The following C19orf81 variants were observed in gnomAD, a reference collection of about 807,000 sequenced individuals.
C19orf81 encodes the protein putative uncharacterized protein C19orf81.
Under a neutral mutation model 22.1 loss-of-function variants are expected in C19orf81, and 19 were observed. That is an observed-to-expected ratio of 0.86 (90% confidence interval 0.60 to 1.26). The LOEUF is 1.26. C19orf81 is among the 50% of genes most tolerant of loss of function. The probability of loss-of-function intolerance (pLI) is 0.00; values close to 1 mark genes in which losing one functional copy is unlikely to be tolerated. For missense variants in C19orf81, 287 were observed against 280.7 expected (o/e 1.02, Z -0.16); for synonymous variants, 108 against 113.1 (o/e 0.95, Z 0.29).
At chr19:50,657,167 C>G (rs1985014163) in intron 3 of C19orf81, among the ~76,000 whole-genome samples, 1 of 152,132 alleles carries the variant, frequency 6.6e-6, no homozygotes, top group African/African-American at 2.4e-5. Context: ...TAGGTGCTTA[C>G]TGTGTGCCAG....
intron 4 of C19orf81, 60 bp downstream of exon 4, chr19:50,658,188 C>T (rs1451201379): frequency 6.9e-7 from 1 of 1,453,842 alleles, no homozygotes; most frequent in Non-Finnish European, 9.1e-7. Context: ...CCGGGGCGAC[C>T]GGGTAAGAGC....
chr19:50,659,208 C>A lies in C19orf81; in HGVS notation c.*66C>A. 8.0e-7 allele frequency: 1 copy of A among 1,244,658 alleles called. No homozygotes were observed. Among genetic ancestry groups the A allele is most frequent in the African/African-American group, 1.6e-5 (1 of 63,922 alleles). 77.1% of individuals were successfully genotyped at this position (1,244,658 alleles called of 1,614,324 possible). ...GGGCTGGGGCCACCCACCCGGAGCC[C>A]CGGAGGACAGGGGGCGTTGCCTTCC... On this transcript the variant is annotated 3_prime_UTR_variant, in exon 5 of 5. Coordinates refer to ENST00000425202, the MANE Select transcript of C19orf81 (RefSeq NM_001195076.2).
Position 50,659,257 on chromosome 19 carries a change from G to A in C19orf81, c.*115G>A. On this transcript the variant is annotated 3_prime_UTR_variant, in exon 5 of 5. Coordinates refer to ENST00000425202, the MANE Select transcript of C19orf81 (RefSeq NM_001195076.2). ...CCCAGGAAGGAGGCGGGGCCGGCTC[G>A]AGGGGGTGGATACTGTGAGTTTAAT... 2.4e-6 allele frequency: 2 copies of A among 817,866 alleles called. No individual in the cohort carries two copies. The highest frequency in any genetic ancestry group is 3.3e-6 in the Non-Finnish European group (2 of 601,742). 50.7% of individuals were successfully genotyped at this position (817,866 alleles called of 1,614,324 possible).
chr19:50,658,116 G>C lies in C19orf81; in HGVS notation c.389G>C (p.Gly130Ala), dbSNP rs1043922253. 2.0e-5 allele frequency: 31 copies of C among 1,534,686 alleles called. No homozygotes were observed. The African/African-American group carries it at 4.0e-4, about 20-fold the overall frequency. The change falls in exon 4 of 5, where the codon GGG (glycine) becomes GCG (alanine). Residue 130 changes from glycine (G) to alanine (A), a missense_variant. Gly to Ala is a moderately conservative substitution (Grantham distance 60, BLOSUM62 0). Coordinates refer to ENST00000425202, the MANE Select transcript of C19orf81 (RefSeq NM_001195076.2). ...ATGAACGTCATCTGTGGGACTGCTGGGCGCCGGAACCGGTGAGTAAGCGGC... is the reference window on the plus strand; with the variant it reads ...ATGAACGTCATCTGTGGGACTGCTGCGCGCCGGAACCGGTGAGTAAGCGGC... ...ENMNVICGTAGRRNRWLIAVT... is the reference protein window; with the variant it reads ...ENMNVICGTAARRNRWLIAVT...
chr19:50,651,797 A>G (rs1311100647), intron 1 of C19orf81, among the ~76,000 whole-genome samples: 1 of 152,172 alleles, frequency 6.6e-6, no homozygotes, highest in Admixed American at 6.5e-5. Flanking sequence ...ATTTAATTAC[A>G]CATATACATT....
intron 1 of C19orf81, among the ~76,000 whole-genome samples, chr19:50,651,309 A>C (rs530423580): frequency 6.6e-6 from 1 of 152,324 alleles, no homozygotes; most frequent in African/African-American, 2.4e-5. Flanking sequence ...TAGGCCCTTC[A>C]TGGGAAACAT....
intron 1 of C19orf81, among the ~76,000 whole-genome samples, chr19:50,651,086 C>T (rs543846244): frequency 1.9e-4 from 29 of 152,286 alleles, no homozygotes; most frequent in African/African-American, 6.7e-4. Flanking sequence ...TTAGAAAGCC[C>T]CTGGGTCCCA....
rs117025012 is a variant in C19orf81 at position 50,656,245 on chromosome 19, G to C, written c.160G>C (p.Val54Leu). The C allele has an allele frequency of 0.011, 16,289 of 1,536,116 alleles. 142 individuals are homozygous for C. Among genetic ancestry groups the C allele is most frequent in the Middle Eastern group, 0.039 (234 of 5,988 alleles). ...CCCTAGAAAGCAGTACCTGCGGCAG[G>C]TCATTGCAGAGTACGAGGCACTGGA... ...IKSSKQYLRQ[V>L]IAEYEALDRE... The change falls in exon 3 of 5, where the codon GTC becomes CTC. Residue 54 changes from valine to leucine, a missense_variant. Physicochemically the swap from Val to Leu is conservative, Grantham distance 32 (BLOSUM62 1). Transcript: ENST00000425202.
rs1320665226 is a variant in C19orf81, at chr19:50,656,131, T to C, written c.140+9T>C. On this transcript the variant is annotated intron_variant, in intron 2 of 4. Transcript: ENST00000425202. ...AGGCCCATCAAATCCTCGTGAGTTG[T>C]CCCTGGCCCCCATGACCTCTATCTT... is the stretch of plus-strand genomic sequence containing the variant. 1 of 1,536,008 alleles carries C rather than the reference T, an allele frequency of 6.5e-7. No homozygotes were observed. Among genetic ancestry groups the C allele is most frequent in the Non-Finnish European group, 8.7e-7 (1 of 1,146,922 alleles).
Position 50,658,260 on chromosome 19 carries a change from C to CG in C19orf81, c.401+136dup, listed in dbSNP as rs887496582. The CG allele has an allele frequency of 6.4e-5, 63 of 977,192 alleles. No individual in the cohort carries two copies. The African/African-American group carries it at 7.2e-4, about 11-fold the overall frequency. The allele number at this position is 977,192 out of a possible 1,614,324, so 60.5% of individuals were successfully genotyped here. The stretch of plus-strand genomic sequence containing the variant: ...AGTGAAAGCATGAATGGGCGGGGCC[C>CG]GGGGCGACTAGATAAGAGCGTGGTT... On this transcript the variant is annotated intron_variant, in intron 4 of 4. Coordinates refer to ENST00000425202, the MANE Select transcript of C19orf81 (RefSeq NM_001195076.2).
At chr19:50,656,457 G>A in intron 3 of C19orf81, 111 bp downstream of exon 3, 3 of 1,383,470 alleles carry the variant, frequency 2.2e-6, no homozygotes, top group Non-Finnish European at 2.9e-6. Context: ...TGGCTTATAA[G>A]CTGTGGGCTT....
chr19:50,649,609 C>A, intron 1 of C19orf81, 98 bp downstream of exon 1: 1 of 1,305,806 alleles, frequency 7.7e-7, no homozygotes, highest in Non-Finnish European at 1.1e-6. Context: ...GAGTCACTGG[C>A]ACTCCAAAGT....
rs891001027 is a variant in C19orf81, at chr19:50,658,939, C to G, written c.402-8C>G. ...CGAGTTCCTTTTCCGTCCCCACCCCCCTTACAGGTGGCTCATCGCGGTCAC... is the reference window on the plus strand; with the variant it reads ...CGAGTTCCTTTTCCGTCCCCACCCCGCTTACAGGTGGCTCATCGCGGTCAC... On this transcript the variant is annotated splice_region_variant and splice_polypyrimidine_tract_variant and intron_variant, in intron 4 of 4. Coordinates refer to ENST00000425202, the MANE Select transcript of C19orf81 (RefSeq NM_001195076.2). 35 of 1,471,050 alleles carry G rather than the reference C, an allele frequency of 2.4e-5. No individual in the cohort carries two copies. Among genetic ancestry groups the G allele is most frequent in the Non-Finnish European group, 2.8e-5 (31 of 1,107,932 alleles). The allele number at this position is 1,471,050 out of a possible 1,614,324, so 91.1% of individuals were successfully genotyped here.
chr19:50,655,888 C>T (rs914585434), intron 1 of C19orf81, among the ~76,000 whole-genome samples, 162 bp from the exon 2 acceptor site: 3 of 152,180 alleles, frequency 2.0e-5, no homozygotes, highest in East Asian at 1.9e-4. Flanking sequence ...ATCACAGAGC[C>T]GGTGTCATGG....
At chr19:50,656,387 G>A (rs569394144) in intron 3 of C19orf81, 41 bp downstream of exon 3, 1 of 1,509,332 alleles carries the variant, frequency 6.6e-7, no homozygotes, top group East Asian at 2.5e-5. Context: ...CAGTTTTGGT[G>A]GGGTGATGGG....
At position 50,656,287 on chromosome 19, in the gene C19orf81, A is replaced by T; in HGVS notation, c.202A>T (p.Ile68Phe). 1 of 1,536,126 alleles carries T rather than the reference A, an allele frequency of 6.5e-7. No homozygotes were observed. Among genetic ancestry groups the T allele is most frequent in the Non-Finnish European group, 8.7e-7 (1 of 1,146,874 alleles). The change falls in exon 3 of 5, where the codon ATC becomes TTC. Residue 68 changes from isoleucine to phenylalanine, a missense_variant. Transcript: ENST00000425202. ...GGCACTGGACCGAGAACTCCCGTGC[A>T]TCCGGAAGTTCCCCACACCACCAGC... ...YEALDRELPCIRKFPTPPASQ... is the reference protein window; with the variant it reads ...YEALDRELPCFRKFPTPPASQ...
chr19:50,657,928 C>G (rs1985031672), intron 3 of C19orf81, 61 bp from the exon 4 acceptor site: 2 of 1,476,772 alleles, frequency 1.4e-6, no homozygotes, highest in Admixed American at 4.6e-5. Flanking sequence ...AGGGTGGTGA[C>G]TTCTGAACCC....
chr19:50,652,714 G>A lies in C19orf81; in HGVS notation c.67+3203G>A, dbSNP rs1984902929. On this transcript the variant is annotated intron_variant, in intron 1 of 4. Coordinates refer to ENST00000425202, the MANE Select transcript of C19orf81 (RefSeq NM_001195076.2). The stretch of plus-strand genomic sequence containing the variant: ...GACTTTGGACTTTATTCATCCCACA[G>A]ACAATGAAAAGTCCTGGGAGGGTTT... Among the ~76,000 whole-genome samples the A allele has an allele frequency of 2.6e-5, 4 of 152,266 alleles. 1 individual carries two copies. Among genetic ancestry groups the A allele is most frequent in the Middle Eastern group, 6.8e-3 (2 of 294 alleles).
chr19:50,649,671 C>T, intron 1 of C19orf81, 160 bp downstream of exon 1: 1 of 807,286 alleles, frequency 1.2e-6, no homozygotes, highest in East Asian at 2.7e-5. Context: ...AGAGCGGCCC[C>T]CTTGGACCTC....
Sources: allele counts gnomAD v4.1 joint callset (sites outside exome capture counted in the v4.1 genomes callset), GRCh38; gene constraint gnomAD v4.1.1; transcripts MANE v1.5; gene names NCBI Gene and HGNC (gene_info 2026-07-23, HGNC 2026-07-21).